Variants in CCM2 observed in about 807,000 individuals in gnomAD.
CCM2 encodes the protein cerebral cavernous malformations 2 protein.
In CCM2, 25 loss-of-function variants were observed where a neutral mutation model predicts 44.9. That is an observed-to-expected ratio of 0.56 (90% CI 0.41 to 0.78). CCM2 has a LOEUF of 0.78. Ranked by LOEUF, CCM2 falls within the 30% of genes least tolerant of loss-of-function variation. The pLI is 0.00. For synonymous variants in CCM2, 219 were observed against 241.1 expected, an observed-to-expected ratio of 0.91 and a Z score of 0.85; for missense variants, 481 against 580.6, an observed-to-expected ratio of 0.83 and a Z score of 1.76.
At chr7:45,062,273 T>C (rs1398450742) in intron 2 of CCM2, among the ~76,000 whole-genome samples, 1 of 152,114 alleles carries the variant, frequency 6.6e-6, no homozygotes, top group Non-Finnish European at 1.5e-5. Context: ...AACTGAGAAA[T>C]GTTGAGTGCA....
chr7:45,071,615 C>T, intron 6 of CCM2: 1 of 358,580 alleles, frequency 2.8e-6, no homozygotes, highest in Non-Finnish European at 5.5e-6. Flanking sequence ...ATTGTGGGTC[C>T]CACTGGGCTA....
intron 2 of CCM2, among the ~76,000 whole-genome samples, chr7:45,041,609 CAG>C (rs1179797420): frequency 3.9e-5 from 6 of 152,312 alleles, no homozygotes; most frequent in African/African-American, 7.2e-5. Flanking sequence ...TAGCACAAAA[CAG>C]AGAATATTTA....
intron 4 of CCM2, among the ~76,000 whole-genome samples, chr7:45,065,697 G>T (rs1254155979): frequency 6.6e-6 from 1 of 152,136 alleles, no homozygotes; most frequent in African/African-American, 2.4e-5. Context: ...ACACTGGCGG[G>T]GTTTATGAAG....
At chr7:45,014,699 C>G (rs992582259) in intron 1 of CCM2, among the ~76,000 whole-genome samples, 1 of 148,074 alleles carries the variant, frequency 6.8e-6, no homozygotes, top group South Asian at 2.1e-4. Context: ...TTGGCTCACT[C>G]CAACCTCCAC....
chr7:45,052,376 ATG>A (rs993454047), intron 2 of CCM2, among the ~76,000 whole-genome samples: 1 of 152,162 alleles, frequency 6.6e-6, no homozygotes, highest in African/African-American at 2.4e-5. Flanking sequence ...GTGCCTAAGT[ATG>A]TGAACCAGGC....
In CCM2 at chr7:45,063,906, ACTTT is replaced by A; in HGVS notation, c.205-6_205-3del. The A allele has an allele frequency of 6.3e-7, 1 of 1,588,980 alleles. No homozygotes were observed. The highest frequency in any genetic ancestry group is 8.6e-7 in the Non-Finnish European group (1 of 1,158,002). Reference sequence around the variant, plus strand: ...CATTTCTCATGGCATTTTTTTCTTCACTTTCTTTCAGTATTTAGGTCAGTTAACG... The same window carrying A: ...CATTTCTCATGGCATTTTTTTCTTCACTTTCAGTATTTAGGTCAGTTAACG... On this transcript the variant is annotated splice_region_variant and splice_polypyrimidine_tract_variant and intron_variant, in intron 2 of 9. Coordinates refer to ENST00000258781, the MANE Select transcript of CCM2 (RefSeq NM_031443.4).
At chr7:45,054,336 T>C (rs1798151108) in intron 2 of CCM2, among the ~76,000 whole-genome samples, 2 of 152,104 alleles carry the variant, frequency 1.3e-5, no homozygotes, top group South Asian at 4.1e-4. Context: ...ATTTGAGGAC[T>C]AAGGTTCTCA....
intron 1 of CCM2, among the ~76,000 whole-genome samples, chr7:45,010,692 G>C (rs1796032377): frequency 6.6e-6 from 1 of 151,734 alleles, no homozygotes; most frequent in African/African-American, 2.4e-5. Context: ...CTGCCTCCTG[G>C]GTTCAAGTGA....
chr7:45,030,471 C>G (rs1213695311), intron 1 of CCM2, among the ~76,000 whole-genome samples: 1 of 152,204 alleles, frequency 6.6e-6, no homozygotes, highest in Admixed American at 6.5e-5. Context: ...GGGTCTCACT[C>G]TGTTTCCTAG....
intron 1 of CCM2, among the ~76,000 whole-genome samples, chr7:45,023,528 T>A (rs1211597069): frequency 6.6e-6 from 1 of 152,162 alleles, no homozygotes; most frequent in African/African-American, 2.4e-5. Context: ...CCAGCCTGGA[T>A]GACAGAGTGA....
intron 2 of CCM2, among the ~76,000 whole-genome samples, chr7:45,046,001 C>A (rs967530301): frequency 6.6e-6 from 1 of 152,136 alleles, no homozygotes; most frequent in Non-Finnish European, 1.5e-5. Flanking sequence ...AGTGGAGAGA[C>A]ACACTGAATT....
At chr7:45,046,877 A>C (rs1209263401) in intron 2 of CCM2, among the ~76,000 whole-genome samples, 1 of 152,248 alleles carries the variant, frequency 6.6e-6, no homozygotes, top group Non-Finnish European at 1.5e-5. Context: ...AAAACTCAAC[A>C]GTAAAACAAA....
At chr7:45,001,510 C>T (rs1376244387) in intron 1 of CCM2, among the ~76,000 whole-genome samples, 1 of 152,206 alleles carries the variant, frequency 6.6e-6, no homozygotes, top group African/African-American at 2.4e-5. Flanking sequence ...AGGTGCTAAC[C>T]CGGTGGCTGC....
At position 45,063,965 on chromosome 7, in the gene CCM2, T is replaced by C. The variant is rs200869517; in HGVS notation, c.252T>C (p.Ser84=). ...TSIPGYLNPS[S]RTEILHFIDN... is the part of the protein sequence containing the mutation. Reference sequence around the variant, plus strand: ...TACCAGGATACCTGAATCCCTCCAGTAGGACTGAAATCCTGCATTTCATAG... The same window carrying C: ...TACCAGGATACCTGAATCCCTCCAGCAGGACTGAAATCCTGCATTTCATAG... Residue 84 remains serine, a synonymous_variant, in exon 3 of 10, where the codon AGT becomes AGC. Transcript: ENST00000258781. 5 of 1,613,302 alleles carry C rather than the reference T, an allele frequency of 3.1e-6. No individual in the cohort carries two copies. Among genetic ancestry groups the C allele is most frequent in the Non-Finnish European group, 4.2e-6 (5 of 1,179,334 alleles).
intron 9 of CCM2, among the ~76,000 whole-genome samples, chr7:45,075,026 T>C (rs890754899): frequency 6.6e-6 from 1 of 152,244 alleles, no homozygotes; most frequent in African/African-American, 2.4e-5. Flanking sequence ...CTGTTTTCCC[T>C]GCAAACCAAG....
At chr7:45,008,491 T>A (rs1795939288) in intron 1 of CCM2, among the ~76,000 whole-genome samples, 1 of 151,604 alleles carries the variant, frequency 6.6e-6, no homozygotes, top group Non-Finnish European at 1.5e-5. Flanking sequence ...CCTTCCCAAG[T>A]AGCTGGGATT....
rs553105491 is a variant in CCM2, at chr7:45,073,663, A to G, written c.915+92A>G. The G allele has an allele frequency of 4.7e-4, 417 of 895,270 alleles. 1 individual carries two copies. In the African/African-American group the frequency reaches 6.2e-3, roughly 13 times the overall value. 55.5% of individuals were successfully genotyped at this position (895,270 alleles called of 1,614,324 possible). On this transcript the variant is annotated intron_variant, in intron 8 of 9. Coordinates refer to ENST00000258781, the MANE Select transcript of CCM2 (RefSeq NM_031443.4). ...AGGGGAGGAGGAGGAGGAGCAGTGC[A>G]GGGCAGGCTGCAGTGAGTGAGGTCA... is the stretch of plus-strand genomic sequence containing the variant.
Position 45,000,359 on chromosome 7 carries a change from A to C in CCM2, c.26A>C (p.Lys9Thr). The C allele has an allele frequency of 7.1e-6, 9 of 1,272,134 alleles. No individual in the cohort carries two copies. Among genetic ancestry groups the C allele is most frequent in the East Asian group, 6.9e-5 (2 of 29,134 alleles). 78.8% of individuals were successfully genotyped at this position (1,272,134 alleles called of 1,614,324 possible). MEEEGKKG[K>T]KPGIVSPFKR... ...ATGGAAGAGGAGGGCAAGAAGGGCA[A>C]GAAGGTGAGCGTGCGCGGGGGCGTC... The change falls in exon 1 of 10, where the codon AAG becomes ACG. Residue 9 changes from lysine to threonine, a missense_variant. Physicochemically the swap from Lys to Thr is moderately conservative, Grantham distance 78. Coordinates refer to ENST00000258781, the MANE Select transcript of CCM2 (RefSeq NM_031443.4).
chr7:45,075,674 C>A, intron 9 of CCM2, 103 bp from the exon 10 acceptor site: 2 of 1,435,452 alleles, frequency 1.4e-6, no homozygotes, highest in Non-Finnish European at 2.0e-6. Flanking sequence ...GGCCATGCAC[C>A]AGGGGCAGCT....
Sources: gnomAD v4.1 joint callset for allele counts (sites outside exome capture counted in the v4.1 genomes callset) on GRCh38, gnomAD v4.1.1 for gene constraint, MANE v1.5 for transcripts, NCBI Gene and HGNC (gene_info 2026-07-23, HGNC 2026-07-21) for gene names.